Variants in MYH15 observed in about 807,000 individuals in gnomAD.
MYH15 encodes the protein myosin heavy chain 15.
MYH15 carries 227 observed loss-of-function variants against 240.5 expected under a neutral mutation model. That is an observed-to-expected ratio of 0.94 (90% CI 0.85 to 1.05). The LOEUF (loss-of-function observed/expected upper bound fraction) is 1.05. Ranked by LOEUF, MYH15 falls within the 50% of genes least tolerant of loss-of-function variation. The pLI, the probability that MYH15 is intolerant of heterozygous loss-of-function variation, is 0.00. For synonymous variants in MYH15, 785 were observed against 796.7 expected (o/e 0.99, Z 0.25); for missense variants, 2,217 against 2,247.5 (o/e 0.99, Z 0.27).
chr3:108,399,789 TTATC>T (rs1180563675), intron 33 of MYH15, among the ~76,000 whole-genome samples: 1 of 152,212 alleles, frequency 6.6e-6, no homozygotes, highest in African/African-American at 2.4e-5. Flanking sequence ...AATAAAATGG[TTATC>T]TTTCTCTAGG....
chr3:108,485,597 G>A (rs549930994), intron 10 of MYH15, among the ~76,000 whole-genome samples: 12 of 152,278 alleles, frequency 7.9e-5, no homozygotes, highest in Non-Finnish European at 1.5e-4. Flanking sequence ...GCTTGTTTCT[G>A]TGATCCCACA....
the MYH15 span, among the ~76,000 whole-genome samples, chr3:108,544,026 ACT>A: frequency 4.6e-3 from 696 of 152,298 alleles, 3 homozygotes; most frequent in African/African-American, 0.015. Context: ...GTTGATCCAT[ACT>A]TCAACTGTAT....
rs1446614221 is a variant in MYH15, at chr3:108,485,214, A to G, written c.991T>C (p.Leu331=). ...TACTTCTCATCAGGAAGAAAGCCCA[A>G]GATGTCCATGGCTTGCTGTAAAAAG... is the stretch of plus-strand genomic sequence containing the variant. ...LLATEQAMDI[L]GFLPDEKYGC... is the part of the protein sequence containing the mutation. Residue 331 remains leucine (L), a synonymous_variant, in exon 11 of 41, where the codon TTG becomes CTG. Transcript: ENST00000693548. 6.2e-7 allele frequency: 1 copy of G among 1,613,950 alleles called. No individual in the cohort carries two copies. Among genetic ancestry groups the G allele is most frequent in the Admixed American group, 1.7e-5 (1 of 60,004 alleles).
intron 12 of MYH15, among the ~76,000 whole-genome samples, chr3:108,472,212 A>C (rs1162584115): frequency 6.6e-6 from 1 of 152,214 alleles, no homozygotes; most frequent in Non-Finnish European, 1.5e-5. Flanking sequence ...ACAAATGCAG[A>C]TCCTACTTCC....
intron 38 of MYH15, among the ~76,000 whole-genome samples, chr3:108,386,276 G>A (rs1465218137): frequency 1.3e-5 from 2 of 152,232 alleles, no homozygotes; most frequent in African/African-American, 4.8e-5. Context: ...CACATGGGAA[G>A]GCAAAGCCAT....
In MYH15 at chr3:108,416,884, T is replaced by C; in HGVS notation, c.3876A>G (p.Gln1292=). The C allele has an allele frequency of 6.2e-7, 1 of 1,614,096 alleles. No individual in the cohort carries two copies. The highest frequency in any genetic ancestry group is 1.1e-5 in the South Asian group (1 of 91,066). Reference sequence around the variant, plus strand: ...TGAAGTTGCTCTTTTCCCTGGAAAGTTGGTTTATCAGAGCCTCCTTCTCTT... The same window carrying C: ...TGAAGTTGCTCTTTTCCCTGGAAAGCTGGTTTATCAGAGCCTCCTTCTCTT... The part of the protein sequence containing the change: ...RLEEKEALIN[Q]LSREKSNFTR... Residue 1292 remains glutamine (Q), a synonymous_variant, in exon 29 of 41, where the codon CAA becomes CAG. Transcript: ENST00000693548.
intron 6 of MYH15, among the ~76,000 whole-genome samples, chr3:108,496,727 G>C (rs1026702070): frequency 4.6e-5 from 7 of 150,758 alleles, no homozygotes; most frequent in Non-Finnish European, 7.4e-5. Context: ...ATTTCCATAG[G>C]AGTGTTATAT....
At chr3:108,433,094 C>A (rs1407115635) in intron 25 of MYH15, among the ~76,000 whole-genome samples, 1 of 152,190 alleles carries the variant, frequency 6.6e-6, no homozygotes, top group African/African-American at 2.4e-5. Context: ...GGGAGGGAGG[C>A]TTTACCCTGC....
chr3:108,409,695 A>T (rs1362487573), intron 31 of MYH15, among the ~76,000 whole-genome samples: 1 of 152,236 alleles, frequency 6.6e-6, no homozygotes, highest in Non-Finnish European at 1.5e-5. Flanking sequence ...ATAAGTTGGC[A>T]GCCTCTTTGA....
At chr3:108,446,079 AC>A (rs1253946731) in intron 21 of MYH15, among the ~76,000 whole-genome samples, 1 of 152,028 alleles carries the variant, frequency 6.6e-6, no homozygotes, top group African/African-American at 2.4e-5. Context: ...ACCCCCAGTG[AC>A]CCAGACTCTA....
At chr3:108,523,255 T>C (rs2083636622) in intron 1 of MYH15, among the ~76,000 whole-genome samples, 1 of 152,024 alleles carries the variant, frequency 6.6e-6, no homozygotes, top group African/African-American at 2.4e-5. Flanking sequence ...ATTTTGCAAC[T>C]CTAAATTTTC....
intron 33 of MYH15, among the ~76,000 whole-genome samples, chr3:108,401,801 T>C (rs1195325432): frequency 2.0e-5 from 3 of 152,220 alleles, no homozygotes; most frequent in Non-Finnish European, 4.4e-5. Flanking sequence ...ATGGGTATAA[T>C]ACAGTCCTGT....
In MYH15 at chr3:108,399,112, G is replaced by T. The variant is rs2082485266; in HGVS notation, c.4892C>A (p.Ala1631Glu). ...CTGAAGCTGGCCCAGGGATTTGGTTGCTTCTGACACCTGCCGGTTGGCACA... is the reference window on the plus strand; with the variant it reads ...CTGAAGCTGGCCCAGGGATTTGGTTTCTTCTGACACCTGCCGGTTGGCACA... Reference protein sequence around the residue: ...LSCANRQVSEATKSLGQLQIQ... With the variant: ...LSCANRQVSEETKSLGQLQIQ... Residue 1631 changes from alanine (A) to glutamate (E), a missense_variant, in exon 34 of 41, where the codon GCA (alanine) becomes GAA (glutamate). Transcript: ENST00000693548. 3 of 1,614,096 alleles carry T rather than the reference G, an allele frequency of 1.9e-6. No homozygotes were observed. The highest frequency in any genetic ancestry group is 2.5e-6 in the Non-Finnish European group (3 of 1,179,988).
chr3:108,475,325 A>C (rs1232493052), intron 12 of MYH15, among the ~76,000 whole-genome samples: 1 of 152,128 alleles, frequency 6.6e-6, no homozygotes, highest in Non-Finnish European at 1.5e-5. Flanking sequence ...TTTCTGCCCT[A>C]CTTAGCTCTG....
intron 21 of MYH15, among the ~76,000 whole-genome samples, chr3:108,450,944 A>T (rs2082968249): frequency 6.6e-6 from 1 of 152,186 alleles, no homozygotes; most frequent in Non-Finnish European, 1.5e-5. Context: ...TGATTTATTA[A>T]ATAGACTAAA....
intron 15 of MYH15, among the ~76,000 whole-genome samples, chr3:108,463,725 T>C (rs1435041247): frequency 6.6e-6 from 1 of 152,128 alleles, no homozygotes; most frequent in Non-Finnish European, 1.5e-5. Context: ...AAAAGCCCAT[T>C]GTGCAGCCCA....
In MYH15 at chr3:108,383,654, C is replaced by A; in HGVS notation, c.5707G>T (p.Glu1903Ter). 1 of 1,612,822 alleles carries A rather than the reference C, an allele frequency of 6.2e-7. No homozygotes were observed. Among genetic ancestry groups the A allele is most frequent in the Non-Finnish European group, 8.5e-7 (1 of 1,179,564 alleles). The change falls in exon 40 of 41, where the codon GAG (glutamate) becomes TAG (stop). Residue 1903 changes from glutamate (E) to a stop codon, truncating the protein, a stop_gained. Coordinates refer to ENST00000693548, the MANE Select transcript of MYH15 (RefSeq NM_014981.3). LOFTEE classifies it high-confidence loss of function. Reference sequence around the variant, plus strand: ...TTATTGACTTGAGATTCTGCCACCTCTGCCCTTTCCTTCACTTCATTCAAC... The same window carrying A: ...TTATTGACTTGAGATTCTGCCACCTATGCCCTTTCCTTCACTTCATTCAAC... ...HELNEVKERA[E>*]VAESQVNKLK...
At chr3:108,419,870 T>G (rs1205404653) in intron 28 of MYH15, among the ~76,000 whole-genome samples, 1 of 152,210 alleles carries the variant, frequency 6.6e-6, no homozygotes, top group Non-Finnish European at 1.5e-5. Context: ...AAGAATACAT[T>G]GTTTATTTTC....
intron 22 of MYH15, among the ~76,000 whole-genome samples, chr3:108,443,888 A>G (rs1378303508): frequency 6.7e-6 from 1 of 149,702 alleles, no homozygotes; most frequent in Non-Finnish European, 1.5e-5. Flanking sequence ...ATGTTTCACA[A>G]ATAAATTTGA....
Sources: allele counts gnomAD v4.1 joint callset (sites outside exome capture counted in the v4.1 genomes callset), GRCh38; gene constraint gnomAD v4.1.1; transcripts MANE v1.5; gene names NCBI Gene and HGNC (gene_info 2026-07-23, HGNC 2026-07-21).